Variants in TEX14 observed in about 807,000 individuals in gnomAD.
TEX14 encodes the protein inactive serine/threonine-protein kinase TEX14.
Under a neutral mutation model 178.6 loss-of-function variants are expected in TEX14, and 168 were observed. That is an observed-to-expected ratio of 0.94 (90% CI 0.83 to 1.07). TEX14 has a LOEUF of 1.07. Among genes scored for constraint, TEX14 ranks in the 50% least tolerant of loss-of-function variants. TEX14 has a pLI of 0.00. For synonymous variants in TEX14, 626 were observed against 634.1 expected (o/e 0.99, Z 0.19); for missense variants, 1,730 against 1,753.6 (o/e 0.99, Z 0.24).
At chr17:58,659,302 A>T (rs1426792495) in intron 1 of TEX14, 9 of 972,266 alleles carry the variant, frequency 9.3e-6, no homozygotes, top group Non-Finnish European at 1.1e-5. Flanking sequence ...CGCCACAAAG[A>T]CATTATTTAC....
chr17:58,647,521 G>A (rs2046739595), intron 2 of TEX14, among the ~76,000 whole-genome samples: 1 of 150,026 alleles, frequency 6.7e-6, no homozygotes, highest in Non-Finnish European at 1.5e-5. Context: ...GACTGAGCGA[G>A]ACTCCGTCTC....
chr17:58,660,270 G>A (rs1194494839), intron 1 of TEX14, among the ~76,000 whole-genome samples: 2 of 151,252 alleles, frequency 1.3e-5, no homozygotes, highest in East Asian at 2.0e-4. Flanking sequence ...GCGTGGTGGC[G>A]GGCGCCTGTA....
chr17:58,628,842 G>A (rs752130857), intron 3 of TEX14, among the ~76,000 whole-genome samples: 15 of 151,536 alleles, frequency 9.9e-5, no homozygotes, highest in Admixed American at 6.6e-5. Flanking sequence ...CCGTAGTAGC[G>A]CCACTGCACT....
intron 1 of TEX14, among the ~76,000 whole-genome samples, chr17:58,681,366 G>A (rs1389526415): frequency 6.6e-6 from 1 of 152,154 alleles, no homozygotes; most frequent in Non-Finnish European, 1.5e-5. Flanking sequence ...GGACAAGGAG[G>A]TAGGGGATTC....
chr17:58,632,955 T>C (rs952709967), intron 2 of TEX14, among the ~76,000 whole-genome samples: 1 of 152,158 alleles, frequency 6.6e-6, no homozygotes, highest in African/African-American at 2.4e-5. Context: ...CTTCCGCTGT[T>C]CTTCGTGCCT....
chr17:58,659,124 G>A (rs745632487), intron 1 of TEX14, among the ~76,000 whole-genome samples: 1 of 150,270 alleles, frequency 6.7e-6, no homozygotes, highest in Non-Finnish European at 1.5e-5. Flanking sequence ...CACACAAGCC[G>A]TCTTTTAAAC....
chr17:58,586,645 C>T (rs2044982232), intron 17 of TEX14, among the ~76,000 whole-genome samples: 1 of 152,058 alleles, frequency 6.6e-6, no homozygotes, highest in Non-Finnish European at 1.5e-5. Context: ...TGCATACTCT[C>T]CACTTTTATA....
Position 58,556,952 on chromosome 17 carries a change from G to A in TEX14, c.*59C>T, listed in dbSNP as rs533610953. The A allele has an allele frequency of 1.5e-6, 2 of 1,361,470 alleles. No homozygotes were observed. The highest frequency in any genetic ancestry group is 2.1e-6 in the Non-Finnish European group (2 of 950,508). The allele number at this position is 1,361,470 out of a possible 1,614,324, so 84.3% of individuals were successfully genotyped here. ...CAACTGAAGCAGAAAGAGAAGAAAG[G>A]AGCTTACAACCAGGACACTCAAACT... On this transcript the variant is annotated 3_prime_UTR_variant, in exon 32 of 32. Transcript: ENST00000349033.
At chr17:58,627,387 AT>A (rs138749769) in intron 3 of TEX14, among the ~76,000 whole-genome samples, 1,708 of 152,312 alleles carry the variant, frequency 0.011, 36 homozygotes, top group African/African-American at 0.039. Context: ...ACTGAACAGA[AT>A]TATACTGTCA....
intron 2 of TEX14, among the ~76,000 whole-genome samples, chr17:58,643,520 T>A (rs137973721): frequency 6.6e-6 from 1 of 151,126 alleles, no homozygotes; most frequent in Non-Finnish European, 1.5e-5. Context: ...TGTCCTCCCA[T>A]CTATGGGAGG....
intron 29 of TEX14, among the ~76,000 whole-genome samples, chr17:58,560,666 A>G (rs2044255464): frequency 6.6e-6 from 1 of 152,140 alleles, no homozygotes; most frequent in South Asian, 2.1e-4. Flanking sequence ...TGCCTTTCTC[A>G]GGCTGAGCCT....
chr17:58,687,601 G>C (rs1048744356), intron 1 of TEX14, among the ~76,000 whole-genome samples: 1 of 151,978 alleles, frequency 6.6e-6, no homozygotes, highest in Non-Finnish European at 1.5e-5. Context: ...CCAAAATGCT[G>C]GGATTACAGG....
rs2044757882 is a variant in TEX14 at position 58,579,435 on chromosome 17, A to G, written c.3238+230T>C. Among the ~76,000 whole-genome samples, 3 of 152,240 alleles carry G rather than the reference A, an allele frequency of 2.0e-5. No homozygotes were observed. The South Asian group carries it at 6.2e-4, about 31-fold the overall frequency. On this transcript the variant is annotated intron_variant, in intron 20 of 31. Coordinates refer to ENST00000349033, the MANE Select transcript of TEX14 (RefSeq NM_031272.5). ...GACTACAACAACATTTGCTATAAAA[A>G]TGCAAGGGGAGGTATAAATAATACA... is the stretch of plus-strand genomic sequence containing the variant.
chr17:58,642,817 A>G (rs1029156690), intron 2 of TEX14, among the ~76,000 whole-genome samples: 2 of 152,034 alleles, frequency 1.3e-5, no homozygotes, highest in African/African-American at 4.8e-5. Context: ...AGTTTCTCCA[A>G]CTTCACATGG....
At chr17:58,681,057 G>A (rs1205668671) in intron 1 of TEX14, among the ~76,000 whole-genome samples, 2 of 151,766 alleles carry the variant, frequency 1.3e-5, no homozygotes, top group Non-Finnish European at 2.9e-5. Context: ...TGAGGTGGGT[G>A]GATCACCTGA....
chr17:58,610,542 A>G (rs1476020632), intron 10 of TEX14, among the ~76,000 whole-genome samples: 1 of 152,168 alleles, frequency 6.6e-6, no homozygotes, highest in Admixed American at 6.5e-5. Context: ...CCTGCCTCCA[A>G]CACAGATTGG....
intron 5 of TEX14, among the ~76,000 whole-genome samples, chr17:58,618,294 C>T (rs1434780882): frequency 6.6e-6 from 1 of 152,182 alleles, no homozygotes; most frequent in African/African-American, 2.4e-5. Context: ...ACCATAAGCA[C>T]ATCTTGTCCA....
chr17:58,570,930 C>T (rs2044510092), intron 24 of TEX14, among the ~76,000 whole-genome samples: 1 of 152,090 alleles, frequency 6.6e-6, no homozygotes, highest in Admixed American at 6.6e-5. Flanking sequence ...TGCATCTGGC[C>T]TGGGAAGCCT....
intron 1 of TEX14, among the ~76,000 whole-genome samples, chr17:58,667,865 C>T: frequency 6.6e-6 from 1 of 150,928 alleles, no homozygotes; most frequent in Admixed American, 6.6e-5. Flanking sequence ...CGCACTCCAG[C>T]CTGGGCGACA....
Sources: allele counts gnomAD v4.1 joint callset (sites outside exome capture counted in the v4.1 genomes callset), GRCh38; gene constraint gnomAD v4.1.1; transcripts MANE v1.5; gene names NCBI Gene and HGNC (gene_info 2026-07-23, HGNC 2026-07-21).